RUSF1: variants seen among roughly 807,000 people sequenced by gnomAD.
RUSF1 encodes RUS1 family protein C16orf58.
Under a neutral mutation model 63.0 loss-of-function variants are expected in RUSF1, and 58 were observed. That is an observed-to-expected ratio of 0.92 (90% CI 0.75 to 1.15). RUSF1 has a LOEUF of 1.15. RUSF1 is among the 50% of genes most tolerant of loss of function. RUSF1 has a pLI of 0.00. For missense variants in RUSF1, 652 were observed against 611.0 expected, an observed-to-expected ratio of 1.07 and a Z score of -0.71; for synonymous variants, 274 against 255.8, an observed-to-expected ratio of 1.07 and a Z score of -0.68.
At chr16:31,504,944 T>C (rs2082650632) in intron 2 of RUSF1, among the ~76,000 whole-genome samples, 1 of 152,210 alleles carries the variant, frequency 6.6e-6, no homozygotes, top group South Asian at 2.1e-4. Flanking sequence ...TAAAAGTCAT[T>C]GCCATTCTCC....
intron 2 of RUSF1, among the ~76,000 whole-genome samples, chr16:31,505,931 T>A: frequency 6.6e-6 from 1 of 152,232 alleles, no homozygotes; most frequent in Non-Finnish European, 1.5e-5. Context: ...TTTTTGTTGC[T>A]GCTGCTATGG....
Position 31,489,964 on chromosome 16 carries a change from C to A in RUSF1, c.*871G>T. Reference sequence around the variant, plus strand: ...GGGCAGCCATGTAGGGTGGAGTTGGCATGAGTTAAGCCTGGGCTGGGTGTG... The same window carrying A: ...GGGCAGCCATGTAGGGTGGAGTTGGAATGAGTTAAGCCTGGGCTGGGTGTG... On this transcript the variant is annotated 3_prime_UTR_variant, in exon 13 of 13. Transcript: ENST00000327237. 8.9e-7 allele frequency: 1 copy of A among 1,122,612 alleles called. No homozygotes were observed. The highest frequency in any genetic ancestry group is 1.3e-6 in the Non-Finnish European group (1 of 761,312). 69.5% of individuals were successfully genotyped at this position (1,122,612 alleles called of 1,614,324 possible).
chr16:31,491,785 T>C (rs1241050312), intron 12 of RUSF1, among the ~76,000 whole-genome samples: 1 of 151,824 alleles, frequency 6.6e-6, no homozygotes, highest in Non-Finnish European at 1.5e-5. Flanking sequence ...AATTTTTGTG[T>C]TTTTTTTGTA....
chr16:31,492,347 G>A lies in RUSF1; in HGVS notation c.1088-7C>T. On this transcript the variant is annotated splice_polypyrimidine_tract_variant and splice_region_variant and intron_variant, in intron 10 of 12. Transcript: ENST00000327237. ...AGAACTACCTGTACCTGGTCTGGAG[G>A]GACCCAGAGACAGACTGGTATCAGG... The A allele has an allele frequency of 6.5e-7, 1 of 1,544,266 alleles. No individual in the cohort carries two copies.
In RUSF1 at chr16:31,490,051, C is replaced by A. The variant is rs2082548129; in HGVS notation, c.*784G>T. 1 of 1,610,286 alleles carries A rather than the reference C, an allele frequency of 6.2e-7. No individual in the cohort carries two copies. Among genetic ancestry groups the A allele is most frequent in the Admixed American group, 1.7e-5 (1 of 59,934 alleles). On this transcript the variant is annotated 3_prime_UTR_variant, in exon 13 of 13. Coordinates refer to ENST00000327237, the MANE Select transcript of RUSF1 (RefSeq NM_022744.4). Reference sequence around the variant, plus strand: ...AGCTGGTGTGCAAGAGACTTTAGGGCCAGGCATGGGGGGACAGAACTCCCA... The same window carrying A: ...AGCTGGTGTGCAAGAGACTTTAGGGACAGGCATGGGGGGACAGAACTCCCA...
rs114517938 is a variant in RUSF1 at position 31,490,598 on chromosome 16, G to A, written c.*237C>T. ...AGGAAGTGGGGGTGAGGAGCCTGCG[G>A]TGCTCCCCAGAAAAGGGGAAGGGGC... On this transcript the variant is annotated 3_prime_UTR_variant, in exon 13 of 13. Coordinates refer to ENST00000327237, the MANE Select transcript of RUSF1 (RefSeq NM_022744.4). 1.3e-3 allele frequency: 1,753 copies of A among 1,385,386 alleles called. 21 individuals carry two copies. The African/African-American group carries it at 0.022, about 18-fold the overall frequency. The allele number at this position is 1,385,386 out of a possible 1,614,324, so 85.8% of individuals were successfully genotyped here.
At chr16:31,491,036 C>T in intron 12 of RUSF1, 104 bp from the exon 13 acceptor site, 1 of 1,052,042 alleles carries the variant, frequency 9.5e-7, no homozygotes, top group South Asian at 1.4e-5. Context: ...CCCACTGCCT[C>T]TGCTGGGTGA....
rs547598343 is a variant in RUSF1, at chr16:31,496,749, T to C, written c.702+100A>G. 54 of 1,045,846 alleles carry C rather than the reference T, an allele frequency of 5.2e-5. No homozygotes were observed. In the South Asian group the frequency reaches 8.6e-4, roughly 17 times the overall value. The allele number at this position is 1,045,846 out of a possible 1,614,324, so 64.8% of individuals were successfully genotyped here. On this transcript the variant is annotated intron_variant, in intron 6 of 12. Transcript: ENST00000327237. Reference sequence around the variant, plus strand: ...GTCTTGAGTCAGCAGGGAGCACCCATACTTCTTCCTGTGTGTTCCTGGGCC... The same window carrying C: ...GTCTTGAGTCAGCAGGGAGCACCCACACTTCTTCCTGTGTGTTCCTGGGCC...
chr16:31,496,494 T>C (rs2082603357), intron 6 of RUSF1, among the ~76,000 whole-genome samples: 1 of 152,172 alleles, frequency 6.6e-6, no homozygotes, highest in African/African-American at 2.4e-5. Flanking sequence ...GCTAAACTGC[T>C]GAGTGGAGGC....
Position 31,490,707 on chromosome 16 carries a change from A to C in RUSF1, c.*128T>G. The C allele has an allele frequency of 8.3e-7, 1 of 1,197,650 alleles. No homozygotes were observed. Among genetic ancestry groups the C allele is most frequent in the Non-Finnish European group, 1.2e-6 (1 of 819,058 alleles). The allele number at this position is 1,197,650 out of a possible 1,614,324, so 74.2% of individuals were successfully genotyped here. On this transcript the variant is annotated 3_prime_UTR_variant, in exon 13 of 13. Transcript: ENST00000327237. ...TGCATCTGATTGGCAGTCACTTCCCATGAGGGCCTGGCCCACCCGCTGCAG... is the reference window on the plus strand; with the variant it reads ...TGCATCTGATTGGCAGTCACTTCCCCTGAGGGCCTGGCCCACCCGCTGCAG...
chr16:31,496,250 G>A (rs2082601581), intron 6 of RUSF1, among the ~76,000 whole-genome samples: 1 of 152,150 alleles, frequency 6.6e-6, no homozygotes, highest in Non-Finnish European at 1.5e-5. Context: ...ATGTAGAGAT[G>A]GGGTCTCGCC....
chr16:31,492,330 C>A lies in RUSF1; in HGVS notation c.1098G>T (p.Gln366His). The change falls in exon 11 of 13, where the codon CAG (glutamine) becomes CAT (histidine). Residue 366 changes from glutamine to histidine, a missense_variant. By Grantham distance (24) the Gln-to-His change is conservative (BLOSUM62 0). Transcript: ENST00000327237. The part of the protein sequence containing the change: ...LCWDQSQNQV[Q>H]VVLNQKAGPK... ...GGCCTGCCTTCTGGTTCAGAACTAC[C>A]TGTACCTGGTCTGGAGGGACCCAGA... The A allele has an allele frequency of 6.3e-7, 1 of 1,577,044 alleles. No individual in the cohort carries two copies. The highest frequency in any genetic ancestry group is 1.2e-5 in the South Asian group (1 of 85,736).
At chr16:31,499,227 T>C in intron 5 of RUSF1, 75 bp downstream of exon 5, 1 of 1,335,236 alleles carries the variant, frequency 7.5e-7, no homozygotes, top group Non-Finnish European at 1.1e-6. Flanking sequence ...GCAGGTAAAC[T>C]CACAGAGCCC....
At position 31,490,201 on chromosome 16, in the gene RUSF1, G is replaced by A. The variant is rs1430993168; in HGVS notation, c.*634C>T. The A allele has an allele frequency of 6.2e-7, 1 of 1,614,184 alleles. No homozygotes were observed. The highest frequency in any genetic ancestry group is 1.7e-5 in the Admixed American group (1 of 60,028). The stretch of plus-strand genomic sequence containing the variant: ...GGCTCCTCACTCCCTGTACAGAATG[G>A]GTGCCCAGAGAGTGCCATGGAGATG... On this transcript the variant is annotated 3_prime_UTR_variant, in exon 13 of 13. Transcript: ENST00000327237.
intron 2 of RUSF1, 118 bp downstream of exon 2, chr16:31,507,646 G>A (rs2142665584): frequency 1.1e-6 from 1 of 931,172 alleles, no homozygotes; most frequent in South Asian, 1.6e-5. Flanking sequence ...CTAATCACTG[G>A]GGAGACCTGC....
intron 2 of RUSF1, among the ~76,000 whole-genome samples, 192 bp downstream of exon 2, chr16:31,507,572 G>A (rs573036215): frequency 1.3e-5 from 2 of 152,214 alleles, no homozygotes; most frequent in Non-Finnish European, 2.9e-5. Flanking sequence ...GCGGCTGCTA[G>A]GCTGGTGAGT....
rs959058484 is a variant in RUSF1 at position 31,499,387 on chromosome 16, T to C, written c.515A>G (p.Asn172Ser). 14 of 1,613,872 alleles carry C rather than the reference T, an allele frequency of 8.7e-6. No individual in the cohort carries two copies. The highest frequency in any genetic ancestry group is 3.3e-5 in the South Asian group (3 of 91,062). The change falls in exon 5 of 13, where the codon AAT (asparagine) becomes AGT (serine). Residue 172 changes from asparagine (N) to serine (S), a missense_variant. By Grantham distance (46) the Asn-to-Ser change is conservative (BLOSUM62 1). Coordinates refer to ENST00000327237, the MANE Select transcript of RUSF1 (RefSeq NM_022744.4). Reference protein sequence around the residue: ...KQWRLFADILNDVAMFLEIMA... With the variant: ...KQWRLFADILSDVAMFLEIMA... ...AATCTCAAGGAACATGGCTACGTCA[T>C]TGAGGATGTCCGCAAAAAGCCTGGG... is the stretch of plus-strand genomic sequence containing the variant.
In RUSF1 at chr16:31,508,182, C is replaced by T; in HGVS notation, c.192G>A (p.Gly64=). Residue 64 remains glycine, a synonymous_variant, in exon 1 of 13, where the codon GGG becomes GGA. Coordinates refer to ENST00000327237, the MANE Select transcript of RUSF1 (RefSeq NM_022744.4). Reference sequence around the variant, plus strand: ...GCCCGGAGAGGGGCGGTGAGGGGGCCCCGGAAGCCCCCACTTCGCCCGCAT... The same window carrying T: ...GCCCGGAGAGGGGCGGTGAGGGGGCTCCGGAAGCCCCCACTTCGCCCGCAT... ...GRDAGEVGAS[G]APSPPLSGLQ... 3 of 1,570,276 alleles carry T rather than the reference C, an allele frequency of 1.9e-6. No homozygotes were observed. Among genetic ancestry groups the T allele is most frequent in the Non-Finnish European group, 2.6e-6 (3 of 1,158,792 alleles).
rs906011827 is a variant in RUSF1, at chr16:31,496,985, ACAC to A, written c.601-38_601-36del. On this transcript the variant is annotated intron_variant, in intron 5 of 12. Coordinates refer to ENST00000327237, the MANE Select transcript of RUSF1 (RefSeq NM_022744.4). ...AGGGGAAGAGAGAAGGTTGGCAGAG[ACAC>A]GTGTCCTGGTAACACAGGCACTCAG... 38 of 1,529,108 alleles carry A rather than the reference ACAC, an allele frequency of 2.5e-5. No homozygotes were observed. In the Admixed American group the frequency reaches 4.0e-4, roughly 16 times the overall value. The allele number at this position is 1,529,108 out of a possible 1,614,324, so 94.7% of individuals were successfully genotyped here.
Sources: allele counts gnomAD v4.1 joint callset (sites outside exome capture counted in the v4.1 genomes callset), GRCh38; gene constraint gnomAD v4.1.1; transcripts MANE v1.5; gene names NCBI Gene and HGNC (gene_info 2026-07-23, HGNC 2026-07-21).